Variants in RPS6KB1 observed in about 807,000 individuals in gnomAD.
RPS6KB1 encodes ribosomal protein S6 kinase beta-1.
Under a neutral mutation model 70.2 loss-of-function variants are expected in RPS6KB1, and 12 were observed. The observed-to-expected ratio is 0.17, with a 90% CI of 0.11 to 0.28. The LOEUF (loss-of-function observed/expected upper bound fraction) is 0.28. RPS6KB1 is among the 10% of genes least tolerant of loss of function. The pLI, the probability that RPS6KB1 is intolerant of heterozygous loss-of-function variation, is 1.00. For missense variants in RPS6KB1, 270 were observed against 646.6 expected (o/e 0.42, Z 6.32); for synonymous variants, 175 against 211.2 (o/e 0.83, Z 1.49).
chr17:59,920,264 C>T (rs368453946), intron 4 of RPS6KB1, among the ~76,000 whole-genome samples: 1 of 152,092 alleles, frequency 6.6e-6, no homozygotes, highest in East Asian at 1.9e-4. Flanking sequence ...GTGATCCACC[C>T]TTCTTGGCCT....
At chr17:59,920,095 CT>C (rs34782350) in intron 4 of RPS6KB1, among the ~76,000 whole-genome samples, 22,033 of 147,064 alleles carry the variant, frequency 0.15, 1,708 homozygotes, top group Middle Eastern at 0.2. Context: ...ATTCCACTGT[CT>C]TTTTTTTTTT....
intron 2 of RPS6KB1, chr17:59,912,252 G>A: frequency 4.5e-6 from 1 of 222,894 alleles, no homozygotes; most frequent in Non-Finnish European, 9.4e-6. Context: ...CAGGGTTCTT[G>A]CTCTTGTTGT....
chr17:59,906,067 T>G (rs2042247494), intron 1 of RPS6KB1, among the ~76,000 whole-genome samples: 1 of 152,212 alleles, frequency 6.6e-6, no homozygotes, highest in Non-Finnish European at 1.5e-5. Flanking sequence ...CATCATTATT[T>G]GATTTGTATG....
intron 1 of RPS6KB1, among the ~76,000 whole-genome samples, chr17:59,908,770 T>C (rs1168978117): frequency 2.9e-5 from 4 of 138,664 alleles, no homozygotes; most frequent in South Asian, 2.3e-4. Flanking sequence ...AGGTGCCCGC[T>C]ACCACGCCCG....
chr17:59,913,318 A>G (rs868113883), intron 3 of RPS6KB1, among the ~76,000 whole-genome samples: 33 of 152,350 alleles, frequency 2.2e-4, no homozygotes, highest in Middle Eastern at 3.4e-3. Flanking sequence ...AGTTCTGCCC[A>G]CAAAACTTTT....
intron 1 of RPS6KB1, among the ~76,000 whole-genome samples, chr17:59,902,406 T>C (rs1050484419): frequency 1.3e-5 from 2 of 152,076 alleles, no homozygotes; most frequent in African/African-American, 2.4e-5. Context: ...CATAAAGTTT[T>C]TGAAGATCAT....
At chr17:59,907,874 T>TATAAATGAA (rs2042364100) in intron 1 of RPS6KB1, among the ~76,000 whole-genome samples, 1 of 152,200 alleles carries the variant, frequency 6.6e-6, no homozygotes, top group Non-Finnish European at 1.5e-5. Flanking sequence ...ATGGAATTGT[T>TATAAATGAA]ACCTTCATTT....
chr17:59,894,070 G>GAA (rs576031542), intron 1 of RPS6KB1: 4 of 625,842 alleles, frequency 6.4e-6, no homozygotes, highest in Non-Finnish European at 7.9e-6. Context: ...TTTTGAGGTG[G>GAA]AAAAAAAAAC....
intron 2 of RPS6KB1, 22 bp from the exon 3 acceptor site, chr17:59,912,662 T>G (rs766750254): frequency 6.2e-7 from 1 of 1,604,278 alleles, no homozygotes; most frequent in South Asian, 1.1e-5. Flanking sequence ...AAATTTATTT[T>G]TGGTTTTGCT....
intron 13 of RPS6KB1, among the ~76,000 whole-genome samples, chr17:59,942,016 G>T (rs1336710064): frequency 6.6e-6 from 1 of 152,070 alleles, no homozygotes; most frequent in African/African-American, 2.4e-5. Context: ...CCGCCACCAC[G>T]CCAGGCTAAT....
chr17:59,929,560 CATTT>C (rs1213843758), intron 5 of RPS6KB1, among the ~76,000 whole-genome samples: 1 of 152,180 alleles, frequency 6.6e-6, no homozygotes, highest in Non-Finnish European at 1.5e-5. Context: ...TTTATGTATT[CATTT>C]ATTTATGTCA....
chr17:59,944,388 G>C (rs1369491394), intron 13 of RPS6KB1, among the ~76,000 whole-genome samples: 2 of 152,124 alleles, frequency 1.3e-5, no homozygotes, highest in African/African-American at 4.8e-5. Context: ...TACAACTGAA[G>C]GTTTTTGAAA....
Position 59,947,680 on chromosome 17 carries a change from G to C in RPS6KB1, c.*892G>C. 4.7e-6 allele frequency: 4 copies of C among 848,804 alleles called. No individual in the cohort carries two copies. The highest frequency in any genetic ancestry group is 2.7e-5 in the East Asian group (1 of 36,504). 52.6% of individuals were successfully genotyped at this position (848,804 alleles called of 1,614,324 possible). A position where few individuals can be genotyped will look rare whatever the true frequency, so the allele number is the denominator to read the frequency against. ...ATTGTCCCGGGCCTGCATTGCACTGGAAAAAAAAATCGCCACCTGTTCTTA... is the reference window on the plus strand; with the variant it reads ...ATTGTCCCGGGCCTGCATTGCACTGCAAAAAAAAATCGCCACCTGTTCTTA... On this transcript the variant is annotated 3_prime_UTR_variant, in exon 15 of 15. Transcript: ENST00000225577.
intron 1 of RPS6KB1, among the ~76,000 whole-genome samples, chr17:59,906,250 C>T (rs1351781989): frequency 1.3e-5 from 2 of 152,164 alleles, no homozygotes; most frequent in African/African-American, 4.8e-5. Context: ...ACCACACTGC[C>T]TTGATGGCTG....
Position 59,946,775 on chromosome 17 carries a change from G to T in RPS6KB1, c.1565G>T (p.Arg522Leu). ...ATCTCCAAACGGCCAGAGCACCTGC[G>T]TATGAATCTATGACAGAGCAATGCT... ...PMISKRPEHLRMNL is the reference protein window; with the variant it reads ...PMISKRPEHLLMNL The change falls in exon 15 of 15, where the codon CGT (arginine) becomes CTT (leucine). Residue 522 changes from arginine to leucine, a missense_variant. By Grantham distance (102) the Arg-to-Leu change is moderately radical. Coordinates refer to ENST00000225577, the MANE Select transcript of RPS6KB1 (RefSeq NM_003161.4). The surrounding 1 kb of genome is among the most constrained non-coding windows in gnomAD (Gnocchi z 4.2). 1 of 1,614,064 alleles carries T rather than the reference G, an allele frequency of 6.2e-7. No homozygotes were observed. The highest frequency in any genetic ancestry group is 8.5e-7 in the Non-Finnish European group (1 of 1,179,978).
Position 59,935,245 on chromosome 17 carries a change from G to A in RPS6KB1, c.923G>A (p.Cys308Tyr). 1.2e-6 allele frequency: 2 copies of A among 1,612,972 alleles called. No homozygotes were observed. The highest frequency in any genetic ancestry group is 1.7e-6 in the Non-Finnish European group (2 of 1,179,236). ...RKKTIDKILK[C>Y]KLNLPPYLTQ... The stretch of plus-strand genomic sequence containing the variant: ...AAAACAATTGACAAAATCCTCAAAT[G>A]TAAACTCAATTTGCCTCCCTACCTC... The change falls in exon 10 of 15, where the codon TGT becomes TAT. Residue 308 changes from cysteine to tyrosine, a missense_variant. By Grantham distance (194) the Cys-to-Tyr change is radical. This residue lies in a region of RPS6KB1 where 133 missense variants were observed against 314.7 expected (regional missense o/e 0.42). Transcript: ENST00000225577.
In RPS6KB1 at chr17:59,893,997, C is replaced by T. The variant is rs943678085; in HGVS notation, c.141+672C>T. 6 of 908,140 alleles carry T rather than the reference C, an allele frequency of 6.6e-6. No individual in the cohort carries two copies. Among genetic ancestry groups the T allele is most frequent in the Admixed American group, 6.2e-5 (1 of 16,032 alleles). The allele number at this position is 908,140 out of a possible 1,614,324, so 56.3% of individuals were successfully genotyped here. A position where few individuals can be genotyped will look rare whatever the true frequency, so the allele number is the denominator to read the frequency against. The stretch of plus-strand genomic sequence containing the variant: ...TAAAATAAGCATTTATAAGGACACA[C>T]GGCACTTGTAACCTTTCCCCAAGTT... On this transcript the variant is annotated intron_variant, in intron 1 of 14. Transcript: ENST00000225577. This position sits in a 1 kb window ranked among gnomAD's most constrained non-coding sequence, Gnocchi z 4.1.
At chr17:59,926,968 A>G (rs1416535500) in intron 5 of RPS6KB1, among the ~76,000 whole-genome samples, 2 of 152,192 alleles carry the variant, frequency 1.3e-5, no homozygotes, top group African/African-American at 2.4e-5. Context: ...TTTTTAGTTT[A>G]ATGTAGCCTT....
chr17:59,909,575 A>G (rs2042503472), intron 1 of RPS6KB1, among the ~76,000 whole-genome samples: 1 of 151,016 alleles, frequency 6.6e-6, no homozygotes, highest in Non-Finnish European at 1.5e-5. Flanking sequence ...CTGTCATATA[A>G]AATTAAAAGC....
Sources: allele counts gnomAD v4.1 joint callset (sites outside exome capture counted in the v4.1 genomes callset), GRCh38; gene constraint gnomAD v4.1.1; regional missense constraint gnomAD v4.1.1; non-coding constraint Gnocchi (gnomAD v3.1); transcripts MANE v1.5; gene names NCBI Gene and HGNC (gene_info 2026-07-23, HGNC 2026-07-21).